The following SOX5 variants were observed in gnomAD, a reference collection of about 807,000 sequenced individuals.
The protein encoded by SOX5 is transcription factor SOX-5.
Under a neutral mutation model 92.0 loss-of-function variants are expected in SOX5, and 9 were observed. That is an observed-to-expected ratio of 0.10 (90% confidence interval 0.06 to 0.17). SOX5 has a LOEUF of 0.17. SOX5 is among the 10% of genes least tolerant of loss of function. SOX5 has a pLI of 1.00. For missense variants in SOX5, 642 were observed against 944.5 expected, an observed-to-expected ratio of 0.68 and a Z score of 4.20; for synonymous variants, 344 against 336.3, an observed-to-expected ratio of 1.02 and a Z score of -0.25.
chr12:24,352,331 T>C (rs1338988584), intron 2 of SOX5, among the ~76,000 whole-genome samples: 1 of 152,162 alleles, frequency 6.6e-6, no homozygotes, highest in African/African-American at 2.4e-5. Context: ...ATATTGATTA[T>C]ATAATGAGAA....
chr12:24,007,097 C>T (rs1952279374), intron 4 of SOX5, among the ~76,000 whole-genome samples: 2 of 145,006 alleles, frequency 1.4e-5, no homozygotes, highest in African/African-American at 5.1e-5. Context: ...CCCGCCATTG[C>T]ACTCCAGCCT....
intron 4 of SOX5, among the ~76,000 whole-genome samples, chr12:24,046,553 A>G (rs1373757218): frequency 6.6e-6 from 1 of 152,226 alleles, no homozygotes; most frequent in African/African-American, 2.4e-5. Context: ...ACATAAAAAT[A>G]TAAGAGAATT....
At chr12:24,317,034 A>G (rs972352016) in intron 2 of SOX5, among the ~76,000 whole-genome samples, 1 of 152,206 alleles carries the variant, frequency 6.6e-6, no homozygotes, top group Non-Finnish European at 1.5e-5. Flanking sequence ...AAAATGTCCA[A>G]GATGAAGCCA....
chr12:24,502,201 T>G (rs533655271), intron 1 of SOX5, among the ~76,000 whole-genome samples: 1 of 152,362 alleles, frequency 6.6e-6, no homozygotes, highest in Admixed American at 6.5e-5. Flanking sequence ...TCCAGTTGTA[T>G]GTAGCTTCAA....
intron 9 of SOX5, among the ~76,000 whole-genome samples, chr12:23,590,963 T>C (rs1388649134): frequency 6.6e-6 from 1 of 152,108 alleles, no homozygotes; most frequent in Non-Finnish European, 1.5e-5. Flanking sequence ...TGACAAGTTA[T>C]ATTTTATTAA....
At chr12:23,961,606 C>A (rs1044799267) in intron 4 of SOX5, among the ~76,000 whole-genome samples, 2 of 152,174 alleles carry the variant, frequency 1.3e-5, no homozygotes, top group Admixed American at 1.3e-4. Flanking sequence ...CTATTGGAAT[C>A]TTATCCTAAT....
intron 1 of SOX5, among the ~76,000 whole-genome samples, chr12:23,923,333 A>AATGAATGAATG (rs879944682): frequency 1.5e-4 from 15 of 103,050 alleles, no homozygotes; most frequent in Middle Eastern, 5.3e-3. Flanking sequence ...ATGAATGAAT[A>AATGAATGAATG]CGTAAAAGCA....
chr12:24,299,082 C>T (rs983382313), intron 2 of SOX5, among the ~76,000 whole-genome samples: 8 of 152,274 alleles, frequency 5.3e-5, no homozygotes, highest in African/African-American at 1.9e-4. Flanking sequence ...TGTCTTTTCT[C>T]TACTTTGCAG....
At chr12:23,946,851 T>G (rs1394772914) in intron 1 of SOX5, among the ~76,000 whole-genome samples, 1 of 151,948 alleles carries the variant, frequency 6.6e-6, no homozygotes, top group African/African-American at 2.4e-5. Context: ...ATAAAAATAT[T>G]TCAAGTTCTT....
intron 8 of SOX5, among the ~76,000 whole-genome samples, chr12:23,629,087 A>C (rs1278323507): frequency 6.6e-6 from 1 of 152,072 alleles, no homozygotes; most frequent in East Asian, 1.9e-4. Flanking sequence ...ATGAAACAGC[A>C]CGCTTCTCTG....
intron 1 of SOX5, among the ~76,000 whole-genome samples, chr12:24,384,927 G>A (rs959890816): frequency 3.3e-5 from 5 of 152,040 alleles, no homozygotes; most frequent in African/African-American, 9.7e-5. Context: ...CAATACTGAC[G>A]GCATTTATCT....
At chr12:23,987,338 C>T (rs543982972) in intron 4 of SOX5, among the ~76,000 whole-genome samples, 73 of 152,318 alleles carry the variant, frequency 4.8e-4, no homozygotes, top group Admixed American at 4.0e-3. Context: ...CAGCCATACA[C>T]AGAGTGGTAG....
intron 1 of SOX5, among the ~76,000 whole-genome samples, chr12:24,555,455 A>G (rs980757701): frequency 1.3e-5 from 2 of 152,274 alleles, no homozygotes. Context: ...CCTTCCAATT[A>G]TATGAAATAT....
chr12:24,343,430 AATTT>A (rs1297121430), intron 2 of SOX5, among the ~76,000 whole-genome samples: 1 of 150,940 alleles, frequency 6.6e-6, no homozygotes, highest in Admixed American at 6.6e-5. Context: ...ACACAAAATA[AATTT>A]ATTTATTTAT....
intron 4 of SOX5, among the ~76,000 whole-genome samples, chr12:24,129,217 A>G (rs1273135444): frequency 4.6e-5 from 7 of 152,204 alleles, no homozygotes; most frequent in Admixed American, 6.5e-5. Context: ...ACACCTTTTC[A>G]TTTGAATAAA....
chr12:23,631,268 T>A (rs2078497381), intron 8 of SOX5, among the ~76,000 whole-genome samples: 2 of 152,106 alleles, frequency 1.3e-5, no homozygotes, highest in African/African-American at 4.8e-5. Flanking sequence ...AGATTGAATT[T>A]GTCTTCATAA....
intron 3 of SOX5, among the ~76,000 whole-genome samples, chr12:24,232,692 T>C (rs1167029209): frequency 1.3e-5 from 2 of 152,196 alleles, no homozygotes; most frequent in Non-Finnish European, 2.9e-5. Flanking sequence ...AGGAAAAATG[T>C]ATGTAACCTG....
At chr12:24,065,974 A>G (rs1205913205) in intron 4 of SOX5, among the ~76,000 whole-genome samples, 3 of 152,206 alleles carry the variant, frequency 2.0e-5, no homozygotes. Context: ...AGAAGGGTCC[A>G]TGCTTGTTCA....
In SOX5 at chr12:23,533,116, T is replaced by C. The variant is rs549663030; in HGVS notation, c.*1103A>G. 2.2e-5 allele frequency: 10 copies of C among 453,810 alleles called. No individual in the cohort carries two copies. The highest frequency in any genetic ancestry group is 4.0e-5 in the Non-Finnish European group (9 of 225,646). The allele number at this position is 453,810 out of a possible 1,614,324, so 28.1% of individuals were successfully genotyped here. ...GCCCTATACTTGGTTAAGTTGTCATTTGAAGTGCAAAGTCAAGGTCAAGAT... is the reference window on the plus strand; with the variant it reads ...GCCCTATACTTGGTTAAGTTGTCATCTGAAGTGCAAAGTCAAGGTCAAGAT... On this transcript the variant is annotated 3_prime_UTR_variant, in exon 15 of 15. Coordinates refer to ENST00000451604, the MANE Select transcript of SOX5 (RefSeq NM_006940.6).
Sources: allele counts gnomAD v4.1 joint callset (sites outside exome capture counted in the v4.1 genomes callset), GRCh38; gene constraint gnomAD v4.1.1; transcripts MANE v1.5; gene names NCBI Gene and HGNC (gene_info 2026-07-23, HGNC 2026-07-21).